The following PTPRG variants were observed in gnomAD, a reference collection of about 807,000 sequenced individuals.
PTPRG encodes the protein receptor-type tyrosine-protein phosphatase gamma.
Under a neutral mutation model 165.3 loss-of-function variants are expected in PTPRG, and 102 were observed. The ratio of observed to expected loss-of-function variants is 0.62; its 90% CI spans 0.53 to 0.73. The LOEUF (loss-of-function observed/expected upper bound fraction) is 0.73, where lower values mean the gene tolerates loss of function less well. Among genes scored for constraint, PTPRG ranks in the 30% least tolerant of loss-of-function variants. The pLI, the probability that PTPRG is intolerant of heterozygous loss-of-function variation, is 0.00. For missense variants in PTPRG, 1,866 were observed against 1,861.4 expected (o/e 1.00, Z -0.05); for synonymous variants, 675 against 669.5 (o/e 1.01, Z -0.13).
In PTPRG at chr3:61,648,863, C is replaced by T. The variant is rs1026224451; in HGVS notation, c.85+86491C>T. ...GGGGCTGCTGGTGAGGCAATCTCCA[C>T]TTTAAAGATTCTGATCTTTGTTGAA... On this transcript the variant is annotated intron_variant, in intron 1 of 29. Transcript: ENST00000474889. 5.9e-5 allele frequency among the ~76,000 whole-genome samples: 9 copies of T among 152,168 alleles called. No individual in the cohort carries two copies. In the East Asian group the frequency reaches 1.7e-3, roughly 29 times the overall value.
chr3:62,268,554 C>A (rs148596391), intron 19 of PTPRG, among the ~76,000 whole-genome samples: 1 of 152,076 alleles, frequency 6.6e-6, no homozygotes, highest in African/African-American at 2.4e-5. Flanking sequence ...GTTCCCTGCT[C>A]AAAATCACCA....
chr3:62,181,073 G>C (rs1428689351), intron 8 of PTPRG, among the ~76,000 whole-genome samples: 1 of 152,210 alleles, frequency 6.6e-6, no homozygotes, highest in Non-Finnish European at 1.5e-5. Context: ...TTCAGGGCTT[G>C]TTCATGGAAA....
chr3:62,017,827 G>GC (rs892157244), intron 4 of PTPRG, among the ~76,000 whole-genome samples: 1 of 152,146 alleles, frequency 6.6e-6, no homozygotes, highest in African/African-American at 2.4e-5. Context: ...AGTCAATGAG[G>GC]CCCACGTTTT....
chr3:61,673,536 A>G (rs1703108281), intron 1 of PTPRG, among the ~76,000 whole-genome samples: 1 of 151,372 alleles, frequency 6.6e-6, no homozygotes, highest in African/African-American at 2.5e-5. Context: ...GTACAAATTT[A>G]TTTCTACATG....
intron 9 of PTPRG, among the ~76,000 whole-genome samples, chr3:62,192,969 T>C (rs1699876438): frequency 6.6e-6 from 1 of 152,240 alleles, no homozygotes; most frequent in African/African-American, 2.4e-5. Flanking sequence ...AAGATTCTTT[T>C]ACTTCATTTC....
In PTPRG at chr3:61,735,909, A is replaced by ATT. The variant is rs11422490; in HGVS notation, c.86-12955_86-12954dup. On this transcript the variant is annotated intron_variant, in intron 1 of 29. Coordinates refer to ENST00000474889, the MANE Select transcript of PTPRG (RefSeq NM_002841.4). ...TGCTCACATCCATGTTAAAACAATG[A>ATT]TTTTTTTTTTTTTTTGGAGACAGCA... 3.5e-3 allele frequency among the ~76,000 whole-genome samples: 506 copies of ATT among 144,964 alleles called. 2 individuals are homozygous for ATT. The highest frequency in any genetic ancestry group is 3.7e-3 in the Non-Finnish European group (244 of 66,396).
intron 7 of PTPRG, among the ~76,000 whole-genome samples, chr3:62,162,364 C>T (rs1007007767): frequency 1.3e-5 from 2 of 152,204 alleles, no homozygotes; most frequent in Middle Eastern, 3.2e-3. Context: ...AAATGTTTTA[C>T]ACATTCACTT....
intron 5 of PTPRG, among the ~76,000 whole-genome samples, chr3:62,109,072 A>T (rs142082191): frequency 6.6e-6 from 1 of 151,720 alleles, no homozygotes; most frequent in Non-Finnish European, 1.5e-5. Flanking sequence ...GTCAATTTTG[A>T]CTTTTGTTGC....
At chr3:61,875,060 C>T (rs561450624) in intron 2 of PTPRG, among the ~76,000 whole-genome samples, 19 of 152,260 alleles carry the variant, frequency 1.2e-4, no homozygotes, top group African/African-American at 2.4e-4. Context: ...TTTCCTCTGC[C>T]GCGAGCTCTT....
chr3:62,232,421 T>C (rs1700922437), intron 14 of PTPRG, among the ~76,000 whole-genome samples: 1 of 152,214 alleles, frequency 6.6e-6, no homozygotes, highest in Non-Finnish European at 1.5e-5. Flanking sequence ...GGATAGAAAC[T>C]GAAATAGAAA....
chr3:62,201,100 T>G (rs1046147912), intron 10 of PTPRG, among the ~76,000 whole-genome samples: 1 of 152,206 alleles, frequency 6.6e-6, no homozygotes, highest in Non-Finnish European at 1.5e-5. Context: ...TCTAGCAACG[T>G]GCTGGCGATA....
chr3:61,780,493 T>A (rs2107076869), intron 2 of PTPRG, among the ~76,000 whole-genome samples: 1 of 152,360 alleles, frequency 6.6e-6, no homozygotes, highest in South Asian at 2.1e-4. Context: ...ATCCTTGGAT[T>A]CGTTCCCAAT....
intron 6 of PTPRG, among the ~76,000 whole-genome samples, chr3:62,134,510 A>G (rs1049865457): frequency 6.6e-6 from 1 of 152,082 alleles, no homozygotes; most frequent in African/African-American, 2.4e-5. Context: ...CGCTTGTGCC[A>G]AGGGTGTCTC....
At chr3:61,964,229 G>C (rs553184897) in intron 2 of PTPRG, among the ~76,000 whole-genome samples, 1 of 152,322 alleles carries the variant, frequency 6.6e-6, no homozygotes, top group East Asian at 1.9e-4. Context: ...TCACTAAAGT[G>C]GTTTGGAGAC....
At chr3:61,651,699 G>A (rs972835673) in intron 1 of PTPRG, among the ~76,000 whole-genome samples, 1 of 152,120 alleles carries the variant, frequency 6.6e-6, no homozygotes, top group African/African-American at 2.4e-5. Flanking sequence ...TATATATATT[G>A]ATCCATGTAA....
chr3:61,674,728 C>G (rs941060041), intron 1 of PTPRG, among the ~76,000 whole-genome samples: 3 of 152,088 alleles, frequency 2.0e-5, no homozygotes, highest in Non-Finnish European at 2.9e-5. Context: ...CATGAGGTAG[C>G]TGGAAAAGTC....
chr3:61,813,327 T>TAAA (rs757811011), intron 2 of PTPRG, among the ~76,000 whole-genome samples: 15 of 87,466 alleles, frequency 1.7e-4, no homozygotes, highest in East Asian at 6.3e-4. Flanking sequence ...CCATGATTAC[T>TAAA]AAAAAAAAAA....
Position 62,275,912 on chromosome 3 carries a change from A to G in PTPRG, c.3505A>G (p.Ser1169Gly). 1 of 1,612,112 alleles carries G rather than the reference A, an allele frequency of 6.2e-7. No homozygotes were observed. The highest frequency in any genetic ancestry group is 8.5e-7 in the Non-Finnish European group (1 of 1,178,762). The part of the protein sequence containing the change: ...QCNAKYVECF[S>G]AQKECNKEKN... ...TAATGCAAAATATGTGGAATGTTTC[A>G]GTGCTCAGAAAGAGTGTAACAAAGA... The change falls in exon 24 of 30, where the codon AGT (serine) becomes GGT (glycine). Residue 1169 changes from serine to glycine, a missense_variant. Ser to Gly is a moderately conservative substitution (Grantham distance 56). Transcript: ENST00000474889.
rs143429262 is a variant in PTPRG at position 61,758,390 on chromosome 3, G to T, written c.190+9408G>T. ...TTTGTTTGGTAAATAACATATTGTT[G>T]GTGTATATCATACTTTATAATACTT... On this transcript the variant is annotated intron_variant, in intron 2 of 29. Coordinates refer to ENST00000474889, the MANE Select transcript of PTPRG (RefSeq NM_002841.4). Among the ~76,000 whole-genome samples the T allele has an allele frequency of 2.9e-3, 443 of 152,184 alleles. 9 individuals are homozygous for T. Among genetic ancestry groups the T allele is most frequent in the Admixed American group, 0.027 (413 of 15,294 alleles).
Sources: allele counts gnomAD v4.1 joint callset (sites outside exome capture counted in the v4.1 genomes callset), GRCh38; gene constraint gnomAD v4.1.1; transcripts MANE v1.5; gene names NCBI Gene and HGNC (gene_info 2026-07-23, HGNC 2026-07-21).